Variants in ALDH2 observed in about 807,000 individuals in gnomAD.
The protein encoded by ALDH2 is aldehyde dehydrogenase 2 family member, also known as aldehyde dehydrogenase, mitochondrial.
A neutral mutation model predicts 59.6 loss-of-function variants in ALDH2; 44 were observed. That is an observed-to-expected ratio of 0.74 (90% CI 0.58 to 0.95). ALDH2 has a LOEUF of 0.95. Among genes scored for constraint, ALDH2 ranks in the 40% least tolerant of loss-of-function variants. The pLI is 0.00. For synonymous variants in ALDH2, 291 were observed against 284.0 expected (o/e 1.02, Z -0.25); for missense variants, 570 against 696.3 (o/e 0.82, Z 2.04).
Position 111,767,063 on chromosome 12 carries a change from C to T in ALDH2, c.81C>T (p.Ala27=), listed in dbSNP as rs779416753. Residue 27 remains alanine, a synonymous_variant, in exon 1 of 13, where the codon GCC becomes GCT. Coordinates refer to ENST00000261733, the MANE Select transcript of ALDH2 (RefSeq NM_000690.4). The part of the protein sequence containing the change: ...LSAAATQAVP[A]PNQQPEVFCN... ...CCGCCGCCACCCAGGCCGTGCCTGC[C>T]CCCAACCAGCAGCCCGAGGTCTTCT... is the stretch of plus-strand genomic sequence containing the variant. 1.4e-5 allele frequency: 21 copies of T among 1,528,920 alleles called. No homozygotes were observed. Among genetic ancestry groups the T allele is most frequent in the Non-Finnish European group, 1.8e-5 (21 of 1,144,008 alleles). 94.7% of individuals were successfully genotyped at this position (1,528,920 alleles called of 1,614,324 possible).
chr12:111,770,206 A>C (rs1220168533), intron 1 of ALDH2, among the ~76,000 whole-genome samples: 1 of 151,958 alleles, frequency 6.6e-6, no homozygotes, highest in Non-Finnish European at 1.5e-5. Context: ...TGTGAGGACC[A>C]AATGGGGTGA....
intron 10 of ALDH2, among the ~76,000 whole-genome samples, chr12:111,799,367 A>G (rs191496215): frequency 5.7e-4 from 85 of 150,242 alleles, no homozygotes; most frequent in Middle Eastern, 3.6e-3. Context: ...GGGTTTCACC[A>G]TGTTGGCCAG....
rs751776846 is a variant in ALDH2, at chr12:111,803,897, TTGG to T, written c.1449_1451del (p.Gly484del). The stretch of plus-strand genomic sequence containing the variant: ...GATGTGTTTGGAGCCCAGTCACCCT[TTGG>T]TGGCTACAAGATGTCGGGGAGTGGC... On this transcript the variant is annotated inframe_deletion, in exon 12 of 13. Coordinates refer to ENST00000261733, the MANE Select transcript of ALDH2 (RefSeq NM_000690.4). The T allele has an allele frequency of 1.2e-6, 2 of 1,613,370 alleles. No individual in the cohort carries two copies. The highest frequency in any genetic ancestry group is 2.2e-5 in the South Asian group (2 of 90,944).
At position 111,778,357 on chromosome 12, in the gene ALDH2, C is replaced by T. The variant is rs543508285; in HGVS notation, c.115-3561C>T. Among the ~76,000 whole-genome samples, 7 of 151,946 alleles carry T rather than the reference C, an allele frequency of 4.6e-5. No individual in the cohort carries two copies. The South Asian group carries it at 1.5e-3, about 32-fold the overall frequency. On this transcript the variant is annotated intron_variant, in intron 1 of 12. Transcript: ENST00000261733. ...GTCAGGAGTTGGAGACCAGCCTGGC[C>T]AACATGGTGAAACCCCGTCTCTACT...
intron 1 of ALDH2, among the ~76,000 whole-genome samples, chr12:111,771,933 T>C (rs900851182): frequency 6.6e-6 from 1 of 152,092 alleles, no homozygotes; most frequent in African/African-American, 2.4e-5. Flanking sequence ...ACCCTGACTC[T>C]GCTAAAAATA....
chr12:111,788,879 C>T (rs969210264), intron 4 of ALDH2, among the ~76,000 whole-genome samples: 5 of 152,144 alleles, frequency 3.3e-5, no homozygotes. Context: ...GTGACATGTG[C>T]CTGTAGTCTC....
chr12:111,797,423 A>C (rs1304504795), intron 9 of ALDH2, among the ~76,000 whole-genome samples: 1 of 152,164 alleles, frequency 6.6e-6, no homozygotes. Context: ...CTACAAGGCA[A>C]AACCCTGTCT....
At chr12:111,775,691 G>A (rs377371349) in intron 1 of ALDH2, 5 of 455,462 alleles carry the variant, frequency 1.1e-5, no homozygotes, top group South Asian at 4.7e-5. Flanking sequence ...CCCCCACCAC[G>A]CCCCGCCCAA....
At chr12:111,797,951 C>T in intron 9 of ALDH2, 127 bp from the exon 10 acceptor site, 1 of 1,133,192 alleles carries the variant, frequency 8.8e-7, no homozygotes. Context: ...GTTTCCTCTT[C>T]TGATCTTGCT....
At chr12:111,774,312 G>T (rs541846943) in intron 1 of ALDH2, among the ~76,000 whole-genome samples, 1 of 152,176 alleles carries the variant, frequency 6.6e-6, no homozygotes, top group Non-Finnish European at 1.5e-5. Flanking sequence ...AAGAGGGAAT[G>T]TGTGTGGCAT....
rs1428893027 is a variant in ALDH2 at position 111,782,550 on chromosome 12, A to ATCTC, written c.219+530_219+533dup. The stretch of plus-strand genomic sequence containing the variant: ...GCCCGGGGAAACATAGTGAGATACC[A>ATCTC]TCTCTAAAGTAAACAAAGAAACAAA... On this transcript the variant is annotated intron_variant, in intron 2 of 12. Coordinates refer to ENST00000261733, the MANE Select transcript of ALDH2 (RefSeq NM_000690.4). Among the ~76,000 whole-genome samples, 5 of 152,136 alleles carry ATCTC rather than the reference A, an allele frequency of 3.3e-5. No individual in the cohort carries two copies. The East Asian group carries it at 9.6e-4, about 29-fold the overall frequency.
intron 1 of ALDH2, among the ~76,000 whole-genome samples, chr12:111,779,993 G>T (rs1430630516): frequency 1.3e-5 from 2 of 152,156 alleles, no homozygotes; most frequent in Non-Finnish European, 2.9e-5. Flanking sequence ...CTGGGTTCAA[G>T]CGATTCTCCT....
intron 4 of ALDH2, among the ~76,000 whole-genome samples, chr12:111,788,839 C>CA (rs2068332343): frequency 6.6e-6 from 1 of 151,892 alleles, no homozygotes; most frequent in South Asian, 2.1e-4. Context: ...CACATCTCTA[C>CA]AAAAAATTTA....
intron 12 of ALDH2, among the ~76,000 whole-genome samples, chr12:111,804,606 G>T (rs1005251726): frequency 6.6e-6 from 1 of 152,088 alleles, no homozygotes; most frequent in African/African-American, 2.4e-5. Context: ...AATTAGCCAG[G>T]TGTGGTGGCG....
At chr12:111,801,715 A>G (rs1178239436) in intron 11 of ALDH2, among the ~76,000 whole-genome samples, 1 of 151,148 alleles carries the variant, frequency 6.6e-6, no homozygotes, top group Non-Finnish European at 1.5e-5. Context: ...AAAAGAACCC[A>G]GGCACAAAAG....
chr12:111,772,788 G>A (rs1055209259), intron 1 of ALDH2, among the ~76,000 whole-genome samples: 10 of 150,546 alleles, frequency 6.6e-5, no homozygotes, highest in African/African-American at 2.0e-4. Flanking sequence ...ATCCTCCTGC[G>A]TCAGCCACTA....
rs2068551928 is a variant in ALDH2 at position 111,813,776 on chromosome 12, G to A, written c.*4201G>A. ...TCCAGAACAGGCAAATCTATATAGAGAGAAGGTCGATTGCTGGGGGCCCTG... is the reference window on the plus strand; with the variant it reads ...TCCAGAACAGGCAAATCTATATAGAAAGAAGGTCGATTGCTGGGGGCCCTG... On this transcript the variant is annotated 3_prime_UTR_variant, in exon 13 of 13. Transcript: ENST00000261733. 1 of 152,238 alleles carries A rather than the reference G, an allele frequency of 6.6e-6. No homozygotes were observed. The highest frequency in any genetic ancestry group is 1.5e-5 in the Non-Finnish European group (1 of 68,054). 9.4% of individuals were successfully genotyped at this position (152,238 alleles called of 1,614,324 possible).
At chr12:111,806,531 C>T (rs995111794) in intron 12 of ALDH2, among the ~76,000 whole-genome samples, 12 of 152,136 alleles carry the variant, frequency 7.9e-5, no homozygotes, top group South Asian at 4.1e-4. Context: ...AAAAGGCAAA[C>T]GGGACTCATT....
chr12:111,815,540 A>G lies in ALDH2; in HGVS notation c.*5965A>G, dbSNP rs1195172152. ...TGGCGATATGGCTTACTTATGAGAC[A>G]GCACCTGACCTACAGCCATCTATGA... On this transcript the variant is annotated 3_prime_UTR_variant, in exon 13 of 13. Coordinates refer to ENST00000261733, the MANE Select transcript of ALDH2 (RefSeq NM_000690.4). The G allele has an allele frequency of 6.6e-6, 1 of 152,180 alleles. No individual in the cohort carries two copies. Among genetic ancestry groups the G allele is most frequent in the Non-Finnish European group, 1.5e-5 (1 of 68,040 alleles). The allele number at this position is 152,180 out of a possible 1,614,324, so 9.4% of individuals were successfully genotyped here. A position where few individuals can be genotyped will look rare whatever the true frequency, so the allele number is the denominator to read the frequency against.
Sources: allele counts gnomAD v4.1 joint callset (sites outside exome capture counted in the v4.1 genomes callset), GRCh38; gene constraint gnomAD v4.1.1; transcripts MANE v1.5; gene names NCBI Gene and HGNC (gene_info 2026-07-23, HGNC 2026-07-21).